DDAH1: variants seen among roughly 807,000 people sequenced by gnomAD.
DDAH1 encodes N(G),N(G)-dimethylarginine dimethylaminohydrolase 1.
A neutral mutation model predicts 28.8 loss-of-function variants in DDAH1; 19 were observed. The observed-to-expected ratio is 0.66, with a 90% CI of 0.46 to 0.97. DDAH1 has a LOEUF of 0.97. Ranked by LOEUF, DDAH1 falls within the 50% of genes least tolerant of loss-of-function variation. DDAH1 has a pLI of 0.00. For synonymous variants in DDAH1, 153 were observed against 154.4 expected, an observed-to-expected ratio of 0.99 and a Z score of 0.07; for missense variants, 326 against 375.9, an observed-to-expected ratio of 0.87 and a Z score of 1.10.
chr1:85,381,382 G>A (rs1214658293), intron 1 of DDAH1, among the ~76,000 whole-genome samples: 1 of 150,738 alleles, frequency 6.6e-6, no homozygotes, highest in Non-Finnish European at 1.5e-5. Context: ...GGGAGCAGGT[G>A]ATTTTTGGTT....
intron 4 of DDAH1, among the ~76,000 whole-genome samples, chr1:85,326,165 T>C (rs1270933142): frequency 6.6e-6 from 1 of 152,108 alleles, no homozygotes; most frequent in Non-Finnish European, 1.5e-5. Context: ...ACCAGTCAGG[T>C]AAATCATTCA....
At chr1:85,434,291 T>C (rs1188541737) in intron 1 of DDAH1, among the ~76,000 whole-genome samples, 1 of 152,232 alleles carries the variant, frequency 6.6e-6, no homozygotes, top group Admixed American at 6.5e-5. Context: ...CATTGACTTG[T>C]GATGCCTCCT....
At chr1:85,438,207 G>A (rs1654029954) in intron 1 of DDAH1, among the ~76,000 whole-genome samples, 1 of 152,078 alleles carries the variant, frequency 6.6e-6, no homozygotes, top group Non-Finnish European at 1.5e-5. Context: ...AGGAGGATGA[G>A]GATCAAACAA....
rs1322429454 is a variant in DDAH1, at chr1:85,554,789, C to T, written c.-123+23195G>A. On this transcript the variant is annotated intron_variant, in intron 1 of 6. Transcript: ENST00000426972. ...CTCAACAAGGGCTGTGATTAGTGCACTGTCAGTCATTGCTAATCACTACAG... is the reference window on the plus strand; with the variant it reads ...CTCAACAAGGGCTGTGATTAGTGCATTGTCAGTCATTGCTAATCACTACAG... Among the ~76,000 whole-genome samples the T allele has an allele frequency of 2.0e-5, 3 of 152,202 alleles. No homozygotes were observed. The South Asian group carries it at 6.2e-4, about 32-fold the overall frequency.
chr1:85,435,443 A>G (rs192076720), intron 1 of DDAH1, among the ~76,000 whole-genome samples: 1 of 152,374 alleles, frequency 6.6e-6, no homozygotes, highest in Admixed American at 6.5e-5. Context: ...TGGGCATACT[A>G]CTAAATAATG....
chr1:85,375,127 A>G (rs1650593224), intron 1 of DDAH1, among the ~76,000 whole-genome samples: 1 of 152,200 alleles, frequency 6.6e-6, no homozygotes, highest in Non-Finnish European at 1.5e-5. Flanking sequence ...GAGATAGAAC[A>G]AAATAAAAAT....
At chr1:85,483,478 T>G (rs377183818) in intron 2 of DDAH1, among the ~76,000 whole-genome samples, 2 of 152,166 alleles carry the variant, frequency 1.3e-5, no homozygotes, top group East Asian at 1.9e-4. Context: ...TAAGGAAAGG[T>G]ACAGTTAACA....
chr1:85,555,481 CA>C (rs1210989559), intron 1 of DDAH1, among the ~76,000 whole-genome samples: 1 of 152,134 alleles, frequency 6.6e-6, no homozygotes, highest in Non-Finnish European at 1.5e-5. Flanking sequence ...AATCATCTGC[CA>C]AAAATTCCTT....
chr1:85,576,520 C>T (rs1659609679), intron 1 of DDAH1: 1 of 152,214 alleles, frequency 6.6e-6, no homozygotes, highest in South Asian at 2.1e-4. Flanking sequence ...CCAGGCCCTT[C>T]GGGGCTTTTC....
chr1:85,350,468 C>G lies in DDAH1; in HGVS notation c.544G>C (p.Gly182Arg). Residue 182 changes from glycine (G) to arginine (R), a missense_variant, in exon 4 of 6, where the codon GGG (glycine) becomes CGG (arginine). Transcript: ENST00000284031. Reference sequence around the variant, plus strand: ...GACCCAATTGCGATCAGGTTAGGCCCAGCCATGCTGCAGAAACTCTTCAAA... The same window carrying G: ...GACCCAATTGCGATCAGGTTAGGCCGAGCCATGCTGCAGAAACTCTTCAAA... ...LHLKSFCSMA[G>R]PNLIAIGSSE... The G allele has an allele frequency of 1.2e-6, 2 of 1,614,120 alleles. No homozygotes were observed. The highest frequency in any genetic ancestry group is 1.7e-6 in the Non-Finnish European group (2 of 1,180,000).
At chr1:85,515,090 T>A (rs558811155) in intron 1 of DDAH1, among the ~76,000 whole-genome samples, 3 of 147,908 alleles carry the variant, frequency 2.0e-5, no homozygotes, top group African/African-American at 7.5e-5. Flanking sequence ...TTTAATATAG[T>A]TTAAAATTAC....
chr1:85,457,436 T>C (rs1412841563), intron 1 of DDAH1, among the ~76,000 whole-genome samples: 2 of 152,132 alleles, frequency 1.3e-5, no homozygotes, highest in African/African-American at 2.4e-5. Context: ...CTGTCACTGA[T>C]CTGCCTCCCT....
chr1:85,549,938 C>T (rs1486259335), intron 1 of DDAH1, among the ~76,000 whole-genome samples: 1 of 151,792 alleles, frequency 6.6e-6, no homozygotes, highest in African/African-American at 2.4e-5. Context: ...AGAGCTCTTC[C>T]AGACCTTTAA....
upstream of DDAH1, among the ~76,000 whole-genome samples, chr1:85,466,832 CT>C (rs10675813): frequency 3.4e-4 from 24 of 70,722 alleles, no homozygotes; most frequent in African/African-American, 9.9e-4. Flanking sequence ...ATTATTTATT[CT>C]TTTTTTTTTT....
In DDAH1 at chr1:85,319,430, T is replaced by G. The variant is rs1385600255; in HGVS notation, c.*2022A>C. On this transcript the variant is annotated 3_prime_UTR_variant, in exon 6 of 6. Coordinates refer to ENST00000284031, the MANE Select transcript of DDAH1 (RefSeq NM_012137.4). ...GTTCTTTGATTTGGGATGATAGAAG[T>G]AAAGATATTAAAAATTATATGCTGG... 1 of 152,224 alleles carries G rather than the reference T, an allele frequency of 6.6e-6. No individual in the cohort carries two copies. The highest frequency in any genetic ancestry group is 1.5e-5 in the Non-Finnish European group (1 of 68,036). 9.4% of individuals were successfully genotyped at this position (152,224 alleles called of 1,614,324 possible). A position where few individuals can be genotyped will look rare whatever the true frequency, so the allele number is the denominator to read the frequency against.
chr1:85,512,382 T>C (rs1393247708), intron 1 of DDAH1, among the ~76,000 whole-genome samples: 2 of 152,162 alleles, frequency 1.3e-5, no homozygotes, highest in Non-Finnish European at 2.9e-5. Flanking sequence ...GACAAACCCA[T>C]AACCAATATC....
In DDAH1 at chr1:85,337,932, C is replaced by A. The variant is rs78458823; in HGVS notation, c.597+12483G>T. 1.7e-3 allele frequency among the ~76,000 whole-genome samples: 266 copies of A among 152,308 alleles called. 6 individuals carry two copies. The East Asian group carries it at 0.032, about 18-fold the overall frequency. ...CTTTTGCATTATCCTTCTGTGCAAT[C>A]CACACCAGTCACCGAACTTCCATCT... On this transcript the variant is annotated intron_variant, in intron 4 of 5. Transcript: ENST00000284031.
chr1:85,443,928 G>T (rs527515501), intron 1 of DDAH1, among the ~76,000 whole-genome samples: 1 of 152,276 alleles, frequency 6.6e-6, no homozygotes, highest in East Asian at 1.9e-4. Flanking sequence ...AGACGACGGG[G>T]TTTTCTAAAT....
At chr1:85,525,829 G>T (rs1657852572) in intron 1 of DDAH1, among the ~76,000 whole-genome samples, 2 of 152,134 alleles carry the variant, frequency 1.3e-5, no homozygotes, top group South Asian at 2.1e-4. Context: ...ACCATCTTGA[G>T]TCAGCAGTGG....
Sources: gnomAD v4.1 joint callset for allele counts (sites outside exome capture counted in the v4.1 genomes callset) on GRCh38, gnomAD v4.1.1 for gene constraint, MANE v1.5 for transcripts, NCBI Gene and HGNC (gene_info 2026-07-23, HGNC 2026-07-21) for gene names.